RASGRP1: variants seen among roughly 807,000 people sequenced by gnomAD.
RASGRP1 encodes the protein RAS guanyl releasing protein 1.
Under a neutral mutation model 95.1 loss-of-function variants are expected in RASGRP1, and 37 were observed. The observed-to-expected ratio is 0.39, with a 90% confidence interval of 0.30 to 0.51. The LOEUF is 0.51. Among genes scored for constraint, RASGRP1 ranks in the 20% least tolerant of loss-of-function variants. RASGRP1 has a pLI of 0.80. For synonymous variants in RASGRP1, 325 were observed against 353.4 expected, an observed-to-expected ratio of 0.92 and a Z score of 0.90; for missense variants, 711 against 965.4, an observed-to-expected ratio of 0.74 and a Z score of 3.49.
chr15:38,497,646 G>A (rs1890847093), intron 15 of RASGRP1, among the ~76,000 whole-genome samples: 1 of 152,090 alleles, frequency 6.6e-6, no homozygotes, highest in African/African-American at 2.4e-5. Flanking sequence ...CTCTTGCATT[G>A]TTTCTAAACT....
chr15:38,533,711 G>A (rs553686171), intron 2 of RASGRP1, among the ~76,000 whole-genome samples: 37 of 152,286 alleles, frequency 2.4e-4, no homozygotes, highest in African/African-American at 2.2e-4. Flanking sequence ...GAGAACAATC[G>A]GGAGAAAGCA....
At chr15:38,537,938 T>C (rs1892722814) in intron 2 of RASGRP1, among the ~76,000 whole-genome samples, 1 of 152,090 alleles carries the variant, frequency 6.6e-6, no homozygotes, top group Non-Finnish European at 1.5e-5. Flanking sequence ...AAGAAACTGG[T>C]CTCTATTCAG....
At chr15:38,498,378 GATTT>G (rs1890878359) in intron 15 of RASGRP1, among the ~76,000 whole-genome samples, 1 of 152,004 alleles carries the variant, frequency 6.6e-6, no homozygotes, top group African/African-American at 2.4e-5. Flanking sequence ...CTTTTAATGT[GATTT>G]ATATATTATA....
At chr15:38,508,283 C>T (rs1177220762) in intron 8 of RASGRP1, among the ~76,000 whole-genome samples, 1 of 152,108 alleles carries the variant, frequency 6.6e-6, no homozygotes, top group Admixed American at 6.5e-5. Context: ...TTAAAATTTC[C>T]TTCTTTTCAA....
At chr15:38,559,626 C>T (rs1893723763) in intron 2 of RASGRP1, among the ~76,000 whole-genome samples, 195 bp downstream of exon 2, 1 of 152,176 alleles carries the variant, frequency 6.6e-6, no homozygotes, top group African/African-American at 2.4e-5. Flanking sequence ...TTTAAAATTG[C>T]ACTTCTCATC....
At position 38,511,596 on chromosome 15, in the gene RASGRP1, G is replaced by C. The variant is rs757453318; in HGVS notation, c.966+8C>G. 1 of 1,601,944 alleles carries C rather than the reference G, an allele frequency of 6.2e-7. No homozygotes were observed. Among genetic ancestry groups the C allele is most frequent in the East Asian group, 2.2e-5 (1 of 44,792 alleles). ...GCTAAGGGCCCCAGAGAAGACAGTA[G>C]CACTGACCTTATTGATTTCATGTGG... is the stretch of plus-strand genomic sequence containing the variant. On this transcript the variant is annotated splice_region_variant and intron_variant, in intron 8 of 16. Transcript: ENST00000310803.
chr15:38,515,856 T>A (rs1263273994), intron 6 of RASGRP1, among the ~76,000 whole-genome samples: 7 of 145,484 alleles, frequency 4.8e-5, no homozygotes, highest in African/African-American at 1.8e-4. Context: ...GTATGAGGAT[T>A]ATCAGGGGTA....
At chr15:38,514,335 A>G (rs1014265154) in intron 6 of RASGRP1, among the ~76,000 whole-genome samples, 2 of 152,188 alleles carry the variant, frequency 1.3e-5, no homozygotes, top group African/African-American at 2.4e-5. Flanking sequence ...TTCTAAAAGA[A>G]AGTAGCCACA....
rs192112364 is a variant in RASGRP1 at position 38,512,454 on chromosome 15, C to T, written c.849+329G>A. On this transcript the variant is annotated intron_variant, in intron 7 of 16. Transcript: ENST00000310803. Reference sequence around the variant, plus strand: ...CCAGCTCCAGTAAATCTTAGAATTGCCCTTTCCTTTGCCATGTGGGCCAGA... The same window carrying T: ...CCAGCTCCAGTAAATCTTAGAATTGTCCTTTCCTTTGCCATGTGGGCCAGA... Among the ~76,000 whole-genome samples, 98 of 152,344 alleles carry T rather than the reference C, an allele frequency of 6.4e-4. 1 individual carries two copies. The highest frequency in any genetic ancestry group is 2.2e-3 in the African/African-American group (90 of 41,576).
intron 2 of RASGRP1, among the ~76,000 whole-genome samples, chr15:38,542,929 ATG>A (rs1174213832): frequency 6.8e-6 from 1 of 146,958 alleles, no homozygotes; most frequent in Non-Finnish European, 1.5e-5. Context: ...GTGTATATAT[ATG>A]TGTGTGTATA....
At chr15:38,542,305 T>C (rs138815193) in intron 2 of RASGRP1, among the ~76,000 whole-genome samples, 1 of 152,236 alleles carries the variant, frequency 6.6e-6, no homozygotes, top group Admixed American at 6.5e-5. Flanking sequence ...GGTTTCTTTG[T>C]TTCTTCTCCA....
At chr15:38,547,498 T>C (rs1893148862) in intron 2 of RASGRP1, among the ~76,000 whole-genome samples, 2 of 152,264 alleles carry the variant, frequency 1.3e-5, no homozygotes, top group South Asian at 2.1e-4. Flanking sequence ...AACTTGGCAA[T>C]GCACCCTCCA....
intron 15 of RASGRP1, among the ~76,000 whole-genome samples, chr15:38,495,352 A>G (rs1890758261): frequency 6.6e-6 from 1 of 152,230 alleles, no homozygotes; most frequent in Admixed American, 6.5e-5. Flanking sequence ...ACTAAGACCC[A>G]CTACCCAGGA....
chr15:38,535,848 G>A (rs974917197), intron 2 of RASGRP1, among the ~76,000 whole-genome samples: 5 of 152,182 alleles, frequency 3.3e-5, no homozygotes, highest in African/African-American at 7.2e-5. Context: ...TTGCAGTCTC[G>A]ATCTGGACTT....
chr15:38,504,055 A>AT (rs1891152712), intron 10 of RASGRP1: 1 of 152,210 alleles, frequency 6.6e-6, no homozygotes, highest in Non-Finnish European at 1.5e-5. Flanking sequence ...GTATCTTAAC[A>AT]TATCTAAACA....
Position 38,518,494 on chromosome 15 carries a change from A to C in RASGRP1, c.390-71T>G, listed in dbSNP as rs1373037542. On this transcript the variant is annotated intron_variant, in intron 4 of 16. Transcript: ENST00000310803. ...GACTCACAATTTGTTGGGTTCCAAAAGGAATTTACTGCCACAAAGAGAACT... is the reference window on the plus strand; with the variant it reads ...GACTCACAATTTGTTGGGTTCCAAACGGAATTTACTGCCACAAAGAGAACT... 3 of 1,484,772 alleles carry C rather than the reference A, an allele frequency of 2.0e-6. No homozygotes were observed. The African/African-American group carries it at 4.2e-5, about 21-fold the overall frequency. The allele number at this position is 1,484,772 out of a possible 1,614,324, so 92.0% of individuals were successfully genotyped here.
intron 1 of RASGRP1, among the ~76,000 whole-genome samples, chr15:38,562,291 C>A (rs766096608): frequency 1.3e-5 from 2 of 152,222 alleles, no homozygotes; most frequent in African/African-American, 4.8e-5. Context: ...TCAGAACTGT[C>A]CTCAGGTCCC....
intron 15 of RASGRP1, among the ~76,000 whole-genome samples, chr15:38,497,802 AATGT>A (rs1890853721): frequency 6.6e-6 from 1 of 152,102 alleles, no homozygotes; most frequent in Admixed American, 6.6e-5. Context: ...TTTGCATTTT[AATGT>A]AAGTGAATTT....
chr15:38,501,786 C>G (rs1398202742), intron 12 of RASGRP1, among the ~76,000 whole-genome samples: 1 of 151,444 alleles, frequency 6.6e-6, no homozygotes, highest in African/African-American at 2.4e-5. Flanking sequence ...AGAAGGAAGA[C>G]TAAACTTTTT....
Sources: allele counts gnomAD v4.1 joint callset (sites outside exome capture counted in the v4.1 genomes callset), GRCh38; gene constraint gnomAD v4.1.1; transcripts MANE v1.5; gene names NCBI Gene and HGNC (gene_info 2026-07-23, HGNC 2026-07-21).